The following PRELID2 variants were observed in gnomAD, a reference collection of about 807,000 sequenced individuals.
PRELID2 encodes the protein PRELI domain-containing protein 2.
A neutral mutation model predicts 28.4 loss-of-function variants in PRELID2; 25 were observed. The observed-to-expected ratio is 0.88, with a 90% CI of 0.64 to 1.23. The LOEUF (loss-of-function observed/expected upper bound fraction) is 1.23. Ranked by LOEUF, PRELID2 falls within the 50% of genes most tolerant of loss-of-function variation. The pLI is 0.00. For synonymous variants in PRELID2, 76 were observed against 71.6 expected, an observed-to-expected ratio of 1.06 and a Z score of -0.31; for missense variants, 201 against 214.4, an observed-to-expected ratio of 0.94 and a Z score of 0.39.
intron 1 of PRELID2, among the ~76,000 whole-genome samples, chr5:145,624,324 C>A (rs1486407689): frequency 6.6e-6 from 1 of 152,178 alleles, no homozygotes; most frequent in Non-Finnish European, 1.5e-5. Flanking sequence ...CAGTCCCCCT[C>A]ACTTCCCTGA....
At chr5:145,289,761 GGTACT>G in the PRELID2 span, among the ~76,000 whole-genome samples, 1 of 152,050 alleles carries the variant, frequency 6.6e-6, no homozygotes, top group Non-Finnish European at 1.5e-5. Context: ...ACCAGAAAAT[GGTACT>G]GTCTGTTTTA....
the PRELID2 span, among the ~76,000 whole-genome samples, chr5:145,408,498 A>T: frequency 7.6e-6 from 1 of 131,000 alleles, no homozygotes; most frequent in Non-Finnish European, 1.8e-5. Flanking sequence ...GGGATTGATG[A>T]AAAAGTCTCT....
chr5:145,517,793 A>G (rs1228134899), intron 1 of PRELID2, among the ~76,000 whole-genome samples: 1 of 152,230 alleles, frequency 6.6e-6, no homozygotes, highest in African/African-American at 2.4e-5. Flanking sequence ...CATATACACC[A>G]TGGAATACTA....
chr5:145,737,654 T>C (rs912291069), intron 1 of PRELID2, among the ~76,000 whole-genome samples: 7 of 152,152 alleles, frequency 4.6e-5, no homozygotes, highest in Non-Finnish European at 8.8e-5. Context: ...AGAAGCAGTC[T>C]TGCAAGGCAG....
chr5:145,512,101 A>G (rs1204811948), intron 1 of PRELID2, among the ~76,000 whole-genome samples: 2 of 152,174 alleles, frequency 1.3e-5, no homozygotes, highest in African/African-American at 4.8e-5. Flanking sequence ...TGAGATCAGG[A>G]GTCATCAAGA....
intron 1 of PRELID2, 48 bp from the exon 2 acceptor site, chr5:145,823,182 G>A (rs1754949375): frequency 2.1e-6 from 2 of 952,900 alleles, no homozygotes; most frequent in Middle Eastern, 2.2e-4. Context: ...TTCTACCAAG[G>A]TGAACTATTT....
intron 1 of PRELID2, among the ~76,000 whole-genome samples, chr5:145,563,108 T>C (rs1281122165): frequency 6.6e-6 from 1 of 152,236 alleles, no homozygotes; most frequent in East Asian, 1.9e-4. Flanking sequence ...GATCCACGCT[T>C]GGCCAATGAT....
chr5:145,752,698 C>T (rs529287818), downstream of PRELID2, among the ~76,000 whole-genome samples: 1 of 152,282 alleles, frequency 6.6e-6, no homozygotes, highest in African/African-American at 2.4e-5. Flanking sequence ...TCTTCCTCTC[C>T]TCACCCCACA....
chr5:145,308,012 G>C, the PRELID2 span, among the ~76,000 whole-genome samples: 1 of 152,262 alleles, frequency 6.6e-6, no homozygotes, highest in Middle Eastern at 3.4e-3. Context: ...TAATTAAAGT[G>C]AGAGAGCAGC....
intron 1 of PRELID2, among the ~76,000 whole-genome samples, chr5:145,749,082 A>G (rs926574108): frequency 2.0e-5 from 3 of 152,202 alleles, no homozygotes; most frequent in Admixed American, 6.5e-5. Flanking sequence ...CTTCATGACA[A>G]AAACAGCAAA....
chr5:145,766,185 T>C (rs370644406), intron 5 of PRELID2, among the ~76,000 whole-genome samples: 1 of 152,158 alleles, frequency 6.6e-6, no homozygotes, highest in East Asian at 1.9e-4. Flanking sequence ...GTTGGATCCA[T>C]GGGAAAGGGA....
intron 1 of PRELID2, among the ~76,000 whole-genome samples, chr5:145,709,706 A>G (rs1475154292): frequency 6.6e-6 from 1 of 152,178 alleles, no homozygotes; most frequent in Non-Finnish European, 1.5e-5. Flanking sequence ...CACCAAACTA[A>G]AGATTTTCAT....
At chr5:145,296,677 C>A in the PRELID2 span, among the ~76,000 whole-genome samples, 1 of 152,072 alleles carries the variant, frequency 6.6e-6, no homozygotes, top group East Asian at 1.9e-4. Flanking sequence ...TATATAGCAG[C>A]ATGATTTATA....
At chr5:145,721,198 G>A (rs1755979854) in intron 1 of PRELID2, among the ~76,000 whole-genome samples, 1 of 152,032 alleles carries the variant, frequency 6.6e-6, no homozygotes, top group African/African-American at 2.4e-5. Context: ...ATAGCCTCTG[G>A]AAAACTTTCA....
chr5:145,295,188 T>C, the PRELID2 span, among the ~76,000 whole-genome samples: 7 of 152,130 alleles, frequency 4.6e-5, no homozygotes, highest in East Asian at 5.8e-4. Flanking sequence ...AGGATTAACA[T>C]TGAGTTAAAA....
At chr5:145,797,348 T>G (rs1345867865) in intron 4 of PRELID2, among the ~76,000 whole-genome samples, 1 of 152,006 alleles carries the variant, frequency 6.6e-6, no homozygotes, top group Admixed American at 6.6e-5. Context: ...ATAAGAAACT[T>G]TGTTGCTTTT....
rs79337075 is a variant in PRELID2, at chr5:145,722,505, A to ATT, written n.70+42424_70+42425dup. On this transcript the variant is annotated intron_variant and non_coding_transcript_variant, in intron 1 of 2. Coordinates refer to the PRELID2 transcript ENST00000510259. ...AGTAGAAACCAGTATCAAATTAATA[A>ATT]TTTTTTTTTGAGACAGAGTCTCACT... 5.8e-3 allele frequency among the ~76,000 whole-genome samples: 877 copies of ATT among 150,420 alleles called. 10 individuals are homozygous for ATT. Among genetic ancestry groups the ATT allele is most frequent in the African/African-American group, 0.019 (790 of 40,968 alleles).
At chr5:145,412,490 G>T in the PRELID2 span, among the ~76,000 whole-genome samples, 135 of 152,214 alleles carry the variant, frequency 8.9e-4, no homozygotes, top group Middle Eastern at 3.4e-3. Flanking sequence ...TATCACTATA[G>T]CATTTTGGTC....
chr5:145,351,573 C>T, the PRELID2 span, among the ~76,000 whole-genome samples: 1 of 152,074 alleles, frequency 6.6e-6, no homozygotes, highest in Non-Finnish European at 1.5e-5. Context: ...GGGATACAGC[C>T]AAACCACATT....
Sources: gnomAD v4.1 joint callset for allele counts (sites outside exome capture counted in the v4.1 genomes callset) on GRCh38, gnomAD v4.1.1 for gene constraint, MANE v1.5 for transcripts, NCBI Gene and HGNC (gene_info 2026-07-23, HGNC 2026-07-21) for gene names.